Variants in IFT122 observed in about 807,000 individuals in gnomAD.
IFT122 encodes intraflagellar transport 122.
In IFT122, 118 loss-of-function variants were observed where a neutral mutation model predicts 161.6. The observed-to-expected ratio is 0.73, with a 90% CI of 0.63 to 0.85. The LOEUF is 0.85. IFT122 is among the 40% of genes least tolerant of loss of function. The pLI, the probability that IFT122 is intolerant of heterozygous loss-of-function variation, is 0.00. For missense variants in IFT122, 1,381 were observed against 1,579.6 expected (o/e 0.87, Z 2.13); for synonymous variants, 550 against 602.4 (o/e 0.91, Z 1.27).
chr3:129,478,530 C>T (rs942501952), intron 12 of IFT122, among the ~76,000 whole-genome samples: 6 of 152,204 alleles, frequency 3.9e-5, no homozygotes, highest in Non-Finnish European at 7.3e-5. Flanking sequence ...TTATGGCTCA[C>T]TGCAGCTTTG....
chr3:129,476,848 G>C, intron 11 of IFT122, 47 bp downstream of exon 11: 4 of 1,612,462 alleles, frequency 2.5e-6, no homozygotes, highest in Non-Finnish European at 3.4e-6. Context: ...GTGGAAGCAG[G>C]TGGAAAGGGC....
intron 2 of IFT122, among the ~76,000 whole-genome samples, chr3:129,451,653 A>G (rs984771480): frequency 2.6e-5 from 4 of 152,206 alleles, no homozygotes; most frequent in African/African-American, 4.8e-5. Flanking sequence ...AAGAATTTCC[A>G]TGGAGTGAGT....
intron 1 of IFT122, among the ~76,000 whole-genome samples, chr3:129,440,715 C>T (rs1057015891): frequency 1.3e-5 from 2 of 152,190 alleles, no homozygotes; most frequent in East Asian, 3.8e-4. Flanking sequence ...CACATAGTAC[C>T]CATACTCTTG....
chr3:129,479,925 G>A lies in IFT122; in HGVS notation c.1488+3G>A. The A allele has an allele frequency of 6.2e-7, 1 of 1,613,872 alleles. No homozygotes were observed. The highest frequency in any genetic ancestry group is 1.7e-4 in the Middle Eastern group (1 of 5,946). On this transcript the variant is annotated splice_donor_region_variant and intron_variant, in intron 13 of 29. Transcript: ENST00000348417. ...TAGTGGGGCTGAAGAATGGACAGGT[G>A]AGTGCTCCCTCACGTCTCCTGTCAG... is the stretch of plus-strand genomic sequence containing the variant.
chr3:129,460,031 C>T (rs932800999), intron 4 of IFT122, among the ~76,000 whole-genome samples: 1 of 151,760 alleles, frequency 6.6e-6, no homozygotes, highest in Admixed American at 6.6e-5. Context: ...ATTACAGATA[C>T]GAGCCACTGC....
At chr3:129,440,640 T>G (rs1185931971) in intron 1 of IFT122, among the ~76,000 whole-genome samples, 2 of 152,218 alleles carry the variant, frequency 1.3e-5, no homozygotes, top group Admixed American at 6.5e-5. Context: ...TGTCGCTGCC[T>G]TGGATTCATC....
rs1027345962 is a variant in IFT122 at position 129,456,492 on chromosome 3, C to T, written c.194-2107C>T. 3.4e-5 allele frequency among the ~76,000 whole-genome samples: 5 copies of T among 148,704 alleles called. No individual in the cohort carries two copies. In the East Asian group the frequency reaches 1.0e-3, roughly 30 times the overall value. On this transcript the variant is annotated intron_variant, in intron 3 of 29. Transcript: ENST00000348417. ...TCTGTACTAAATATATAAAAATTAG[C>T]TGGGCATGGTGGTGTGTGCCTGTAA...
chr3:129,449,277 T>A (rs1488265815), intron 1 of IFT122, among the ~76,000 whole-genome samples: 8 of 152,158 alleles, frequency 5.3e-5, no homozygotes, highest in Non-Finnish European at 1.0e-4. Context: ...GTTTTGTGTA[T>A]CAATAAGAAA....
At chr3:129,491,099 T>C (rs1375792653) in intron 16 of IFT122, among the ~76,000 whole-genome samples, 1 of 152,194 alleles carries the variant, frequency 6.6e-6, no homozygotes, top group Non-Finnish European at 1.5e-5. Context: ...TGTTTCTCCC[T>C]GGGTCCTCAG....
chr3:129,519,460 A>C (rs2084468289), intron 28 of IFT122, 108 bp from the exon 29 acceptor site: 1 of 1,454,372 alleles, frequency 6.9e-7, no homozygotes, highest in Admixed American at 1.9e-5. Context: ...TGGGTTTAGG[A>C]AGCAGGTCCT....
rs376246143 is a variant in IFT122, at chr3:129,460,960, A to T, written c.273-268A>T. ...TAAAGCACCTAAAGGCCAAGGTGGG[A>T]GGATTGATTGCTTGAGGCCAAGCGT... On this transcript the variant is annotated intron_variant, in intron 4 of 29. Transcript: ENST00000348417. 4.7e-5 allele frequency: 76 copies of T among 1,604,324 alleles called. No individual in the cohort carries two copies. The highest frequency in any genetic ancestry group is 6.4e-5 in the Non-Finnish European group (75 of 1,171,210).
At chr3:129,458,325 A>G (rs2075777536) in intron 3 of IFT122, among the ~76,000 whole-genome samples, 1 of 152,186 alleles carries the variant, frequency 6.6e-6, no homozygotes, top group African/African-American at 2.4e-5. Context: ...AGTAGGGATC[A>G]TGTGTGTTTT....
intron 5 of IFT122, among the ~76,000 whole-genome samples, chr3:129,462,307 T>A (rs529021851): frequency 1.3e-5 from 2 of 152,346 alleles, no homozygotes; most frequent in Admixed American, 6.5e-5. Flanking sequence ...AAAAAAAATA[T>A]AATATTAAGT....
At chr3:129,442,903 TC>T (rs934781432) in intron 1 of IFT122, among the ~76,000 whole-genome samples, 1 of 152,204 alleles carries the variant, frequency 6.6e-6, no homozygotes, top group Non-Finnish European at 1.5e-5. Flanking sequence ...TACCCGAAGA[TC>T]CTTCCCAAAT....
chr3:129,512,601 A>G, intron 24 of IFT122, 189 bp downstream of exon 24: 1 of 626,874 alleles, frequency 1.6e-6, no homozygotes. Flanking sequence ...GCCCAGGCCA[A>G]GAGAAGATGA....
chr3:129,509,187 A>G (rs2082505183), intron 23 of IFT122, among the ~76,000 whole-genome samples: 1 of 152,252 alleles, frequency 6.6e-6, no homozygotes, highest in South Asian at 2.1e-4. Flanking sequence ...ATAAGAAAAG[A>G]CAACACTTCA....
chr3:129,489,240 G>GGACCA (rs1318721387), intron 16 of IFT122, among the ~76,000 whole-genome samples: 1 of 152,168 alleles, frequency 6.6e-6, no homozygotes, highest in Non-Finnish European at 1.5e-5. Context: ...AGAGGAGACT[G>GGACCA]GACCAGACCA....
intron 1 of IFT122, among the ~76,000 whole-genome samples, chr3:129,441,495 A>G (rs1265887393): frequency 6.6e-6 from 1 of 152,052 alleles, no homozygotes; most frequent in Non-Finnish European, 1.5e-5. Flanking sequence ...GTATGAGGAA[A>G]CTGAAGCCCA....
chr3:129,504,186 G>C, intron 20 of IFT122, 133 bp from the exon 21 acceptor site: 2 of 737,018 alleles, frequency 2.7e-6, no homozygotes, highest in South Asian at 3.0e-5. Context: ...TAGTTTTTTG[G>C]GGGAGGCACT....
Sources: gnomAD v4.1 joint callset for allele counts (sites outside exome capture counted in the v4.1 genomes callset) on GRCh38, gnomAD v4.1.1 for gene constraint, MANE v1.5 for transcripts, NCBI Gene and HGNC (gene_info 2026-07-23, HGNC 2026-07-21) for gene names.